The following SMYD3 variants were observed in gnomAD, a reference collection of about 807,000 sequenced individuals.
SMYD3 encodes SET and MYND domain containing 3.
In SMYD3, 36 loss-of-function variants were observed where a neutral mutation model predicts 57.7. That is an observed-to-expected ratio of 0.62 (90% CI 0.48 to 0.82). The LOEUF is 0.82. Among genes scored for constraint, SMYD3 ranks in the 40% least tolerant of loss-of-function variants. SMYD3 has a pLI of 0.00. For synonymous variants in SMYD3, 211 were observed against 195.0 expected (o/e 1.08, Z -0.68); for missense variants, 515 against 538.8 (o/e 0.96, Z 0.44).
At chr1:246,300,746 T>G (rs2064880576) in intron 5 of SMYD3, among the ~76,000 whole-genome samples, 1 of 152,240 alleles carries the variant, frequency 6.6e-6, no homozygotes, top group Admixed American at 6.6e-5. Flanking sequence ...CCCATAGAAC[T>G]GTTGTGAAGA....
chr1:246,405,423 C>T (rs919386073), intron 1 of SMYD3, among the ~76,000 whole-genome samples: 1 of 152,120 alleles, frequency 6.6e-6, no homozygotes, highest in African/African-American at 2.4e-5. Context: ...GACACTAATC[C>T]ACTTTTAAAA....
At chr1:246,190,674 A>T (rs1176179783) in intron 5 of SMYD3, among the ~76,000 whole-genome samples, 1 of 151,690 alleles carries the variant, frequency 6.6e-6, no homozygotes, top group African/African-American at 2.4e-5. Flanking sequence ...ATTAGACTAA[A>T]TTTTTTAAAA....
chr1:246,375,564 C>T (rs951436746), intron 1 of SMYD3, among the ~76,000 whole-genome samples: 1 of 152,098 alleles, frequency 6.6e-6, no homozygotes, highest in African/African-American at 2.4e-5. Flanking sequence ...TGAAAGAACA[C>T]AGCGAAGATG....
Position 246,048,546 on chromosome 1 carries a change from C to CA in SMYD3, c.532-118610dup, listed in dbSNP as rs1039928102. On this transcript the variant is annotated intron_variant, in intron 5 of 11. Coordinates refer to ENST00000490107, the MANE Select transcript of SMYD3 (RefSeq NM_001167740.2). ...TACGGAACATAATGCACACATTATG[C>CA]AAAAAAACTGTATTTTGCTGCAGTG... Among the ~76,000 whole-genome samples, 38 of 151,978 alleles carry CA rather than the reference C, an allele frequency of 2.5e-4. 1 individual carries two copies. The highest frequency in any genetic ancestry group is 1.8e-3 in the Admixed American group (28 of 15,268).
chr1:246,364,832 C>A (rs1020570243), intron 1 of SMYD3, among the ~76,000 whole-genome samples: 1 of 152,210 alleles, frequency 6.6e-6, no homozygotes, highest in Non-Finnish European at 1.5e-5. Context: ...TTGATTGTAA[C>A]CACACACCAC....
intron 5 of SMYD3, among the ~76,000 whole-genome samples, chr1:246,213,108 A>G (rs2063113849): frequency 6.6e-6 from 1 of 152,192 alleles, no homozygotes; most frequent in South Asian, 2.1e-4. Context: ...GAATAAAATT[A>G]AAAGAATTCT....
intron 2 of SMYD3, among the ~76,000 whole-genome samples, chr1:246,344,958 T>C (rs2065688536): frequency 1.3e-5 from 2 of 151,560 alleles, no homozygotes; most frequent in South Asian, 2.1e-4. Context: ...TTGGTTGGGG[T>C]GAGAGAGAGA....
intron 5 of SMYD3, among the ~76,000 whole-genome samples, chr1:246,296,669 T>C (rs2148605263): frequency 6.6e-6 from 1 of 152,252 alleles, no homozygotes; most frequent in African/African-American, 2.4e-5. Flanking sequence ...TGGAGCACTG[T>C]CCTCTACCCC....
chr1:246,089,244 G>T (rs967774750), intron 5 of SMYD3, among the ~76,000 whole-genome samples: 1 of 152,046 alleles, frequency 6.6e-6, no homozygotes, highest in Non-Finnish European at 1.5e-5. Flanking sequence ...CTCCCAAAGC[G>T]CTGGGATTAC....
chr1:246,439,029 C>G (rs912884617), intron 1 of SMYD3, among the ~76,000 whole-genome samples: 1 of 147,314 alleles, frequency 6.8e-6, no homozygotes, highest in African/African-American at 2.5e-5. Context: ...CTGGGGACCC[C>G]TGACTATGCT....
intron 7 of SMYD3, among the ~76,000 whole-genome samples, chr1:245,920,169 C>T (rs746686955): frequency 3.9e-5 from 6 of 152,134 alleles, no homozygotes; most frequent in African/African-American, 9.6e-5. Context: ...AAAAATTAGC[C>T]AGGCGTGGTG....
intron 10 of SMYD3, among the ~76,000 whole-genome samples, chr1:245,818,323 A>C (rs1440694733): frequency 2.6e-5 from 4 of 151,948 alleles, no homozygotes; most frequent in African/African-American, 7.2e-5. Context: ...GAAATAAAAT[A>C]CTTTACAGAC....
In SMYD3 at chr1:246,335,487, G is replaced by C. The variant is rs2065528552; in HGVS notation, c.229-13C>G. On this transcript the variant is annotated splice_polypyrimidine_tract_variant and intron_variant, in intron 2 of 11. Coordinates refer to ENST00000490107, the MANE Select transcript of SMYD3 (RefSeq NM_001167740.2). ...GCCAAGCTTTTTTCTATTAAAACAAGAGTGGGGAGAACATAGGTGACCTAA... is the reference window on the plus strand; with the variant it reads ...GCCAAGCTTTTTTCTATTAAAACAACAGTGGGGAGAACATAGGTGACCTAA... The C allele has an allele frequency of 6.2e-7, 1 of 1,610,804 alleles. No individual in the cohort carries two copies. Among genetic ancestry groups the C allele is most frequent in the African/African-American group, 1.3e-5 (1 of 74,808 alleles).
chr1:246,091,442 A>C (rs911645071), intron 5 of SMYD3, among the ~76,000 whole-genome samples: 3 of 150,924 alleles, frequency 2.0e-5, no homozygotes, highest in East Asian at 2.0e-4. Flanking sequence ...ACCCCTCTCT[A>C]TAGAGAGAGA....
chr1:246,043,688 C>T (rs759260910), intron 5 of SMYD3, among the ~76,000 whole-genome samples: 1 of 152,208 alleles, frequency 6.6e-6, no homozygotes, highest in Non-Finnish European at 1.5e-5. Context: ...TGTGATTAAA[C>T]AGCATTTATG....
At chr1:245,794,906 T>G (rs1238930396) in intron 10 of SMYD3, among the ~76,000 whole-genome samples, 1 of 152,230 alleles carries the variant, frequency 6.6e-6, no homozygotes, top group Non-Finnish European at 1.5e-5. Context: ...TTTTTTCTCT[T>G]TAAGGATTTG....
chr1:246,122,065 T>TA (rs60921522), intron 5 of SMYD3, among the ~76,000 whole-genome samples: 12,113 of 146,846 alleles, frequency 0.082, 935 homozygotes, highest in African/African-American at 0.19. Context: ...AAAGACTAAT[T>TA]AAAAAAAAAA....
chr1:246,470,309 T>C (rs372586977), intron 1 of SMYD3, among the ~76,000 whole-genome samples: 1 of 151,840 alleles, frequency 6.6e-6, no homozygotes, highest in Admixed American at 6.6e-5. Flanking sequence ...CTGGTCATCA[T>C]GGCAAAACCC....
intron 5 of SMYD3, among the ~76,000 whole-genome samples, chr1:246,128,053 A>AGTG (rs1558253084): frequency 1.3e-5 from 2 of 152,236 alleles, no homozygotes; most frequent in Non-Finnish European, 2.9e-5. Flanking sequence ...TACAAAATGC[A>AGTG]GTAAGGGTAG....
Sources: gnomAD v4.1 joint callset for allele counts (sites outside exome capture counted in the v4.1 genomes callset) on GRCh38, gnomAD v4.1.1 for gene constraint, MANE v1.5 for transcripts, NCBI Gene and HGNC (gene_info 2026-07-23, HGNC 2026-07-21) for gene names.